USP34: variants seen among roughly 807,000 people sequenced by gnomAD.
The protein encoded by USP34 is ubiquitin carboxyl-terminal hydrolase 34.
A neutral mutation model predicts 460.3 loss-of-function variants in USP34; 70 were observed. That is an observed-to-expected ratio of 0.15 (90% CI 0.13 to 0.19). The LOEUF is 0.19. USP34 is among the 10% of genes least tolerant of loss of function. The pLI is 1.00. For missense variants in USP34, 3,985 were observed against 4,236.2 expected, an observed-to-expected ratio of 0.94 and a Z score of 1.65; for synonymous variants, 1,647 against 1,405.3, an observed-to-expected ratio of 1.17 and a Z score of -3.85.
At chr2:61,336,809 CAAAAAAAAAAAA>C (rs10593128) in intron 18 of USP34, among the ~76,000 whole-genome samples, 20 of 65,052 alleles carry the variant, frequency 3.1e-4, no homozygotes, top group Non-Finnish European at 2.8e-4. Context: ...GACTCCATCT[CAAAAAAAAAAAA>C]AAAAAAAAAA....
intron 75 of USP34, 57 bp downstream of exon 75, chr2:61,203,083 A>G: frequency 7.2e-7 from 1 of 1,384,560 alleles, no homozygotes; most frequent in South Asian, 2.0e-5. Context: ...CCCCTTCCTG[A>G]ATGACTAGGG....
chr2:61,441,014 G>C (rs917133641), intron 1 of USP34, among the ~76,000 whole-genome samples: 11 of 151,660 alleles, frequency 7.3e-5, no homozygotes, highest in Non-Finnish European at 1.5e-5. Context: ...TGTAGTCCCA[G>C]CTACTCGGGA....
chr2:61,348,395 T>A lies in USP34; in HGVS notation c.1760A>T (p.Asp587Val). The A allele has an allele frequency of 6.2e-7, 1 of 1,613,980 alleles. No homozygotes were observed. Among genetic ancestry groups the A allele is most frequent in the Non-Finnish European group, 8.5e-7 (1 of 1,180,036 alleles). Residue 587 changes from aspartate (D) to valine (V), a missense_variant, in exon 15 of 80, where the codon GAT (aspartate) becomes GTT (valine). Coordinates refer to ENST00000398571, the MANE Select transcript of USP34 (RefSeq NM_014709.4). ...AGAATTAACCTCATTGCTAGATCCA[T>A]CACTATGCCCACTACTGCTACCAGG... ...SGPGSSSGHS[D>V]GSSNEVNSSH...
At chr2:61,425,101 CG>C (rs1553388424) in intron 1 of USP34, among the ~76,000 whole-genome samples, 4 of 152,120 alleles carry the variant, frequency 2.6e-5, no homozygotes, top group Non-Finnish European at 2.9e-5. Flanking sequence ...TGGCCCACTG[CG>C]CCCAGCTGCC....
At chr2:61,356,475 GCA>G (rs70963416) in intron 10 of USP34, among the ~76,000 whole-genome samples, 81 of 128,276 alleles carry the variant, frequency 6.3e-4, no homozygotes, top group Admixed American at 2.1e-3. Context: ...GGGTGAAAGC[GCA>G]CACACACACA....
chr2:61,298,399 G>T (rs1183114731), intron 29 of USP34, among the ~76,000 whole-genome samples: 1 of 147,334 alleles, frequency 6.8e-6, no homozygotes, highest in African/African-American at 2.5e-5. Flanking sequence ...CTAGCTGGGC[G>T]TGGTGGCGTG....
intron 33 of USP34, among the ~76,000 whole-genome samples, chr2:61,289,782 C>G (rs141164246): frequency 6.6e-6 from 1 of 152,198 alleles, no homozygotes; most frequent in East Asian, 1.9e-4. Context: ...ACACAAAACT[C>G]AAAATGTATT....
At chr2:61,417,719 C>CTTTTTTTTTTTTTTTTTTT (rs201901250) in intron 2 of USP34, among the ~76,000 whole-genome samples, 1 of 130,772 alleles carries the variant, frequency 7.6e-6, no homozygotes. Flanking sequence ...ATACTAAAAT[C>CTTTTTTTTTTTTTTTTTTT]TTTTTTTTTT....
chr2:61,461,174 T>G (rs1375365688), intron 1 of USP34, among the ~76,000 whole-genome samples: 3 of 151,750 alleles, frequency 2.0e-5, no homozygotes, highest in African/African-American at 7.3e-5. Context: ...GTGGATGACT[T>G]GAGCTCAGGA....
At chr2:61,270,889 T>G (rs978563751) in intron 41 of USP34, among the ~76,000 whole-genome samples, 3 of 152,234 alleles carry the variant, frequency 2.0e-5, no homozygotes, top group Admixed American at 1.3e-4. Flanking sequence ...CAACCAATTT[T>G]CTGCATGAAA....
intron 1 of USP34, among the ~76,000 whole-genome samples, chr2:61,443,221 A>G (rs71422305): frequency 0.076 from 11,563 of 152,212 alleles, 595 homozygotes; most frequent in Non-Finnish European, 0.12. Context: ...AGTGTTCTAC[A>G]TAACTGTGAA....
intron 57 of USP34, among the ~76,000 whole-genome samples, chr2:61,235,099 A>G (rs1688027554): frequency 6.6e-6 from 1 of 152,156 alleles, no homozygotes; most frequent in African/African-American, 2.4e-5. Flanking sequence ...TGTCCTCACA[A>G]CTCGCACATA....
intron 51 of USP34, among the ~76,000 whole-genome samples, chr2:61,244,652 T>C (rs1456009789): frequency 6.6e-6 from 1 of 152,044 alleles, no homozygotes; most frequent in Non-Finnish European, 1.5e-5. Flanking sequence ...TTCTCAATTA[T>C]GTCACATAGA....
intron 65 of USP34, 103 bp from the exon 66 acceptor site, chr2:61,221,709 T>C: frequency 2.8e-6 from 3 of 1,074,276 alleles, no homozygotes; most frequent in African/African-American, 3.3e-5. Context: ...TAAATCTGTG[T>C]TAGGGAAGGA....
intron 33 of USP34, 149 bp downstream of exon 33, chr2:61,293,315 T>C: frequency 2.1e-6 from 1 of 473,238 alleles, no homozygotes; most frequent in South Asian, 5.0e-5. Flanking sequence ...CTAATTAGTT[T>C]ATCAAACTGT....
At chr2:61,229,484 A>AAAC (rs1687829909) in intron 59 of USP34, 64 bp downstream of exon 59, 1 of 798,550 alleles carries the variant, frequency 1.3e-6, no homozygotes, top group African/African-American at 1.9e-5. Context: ...AACAAAAAAA[A>AAAC]AAAACAAAAA....
chr2:61,256,590 TA>T (rs34715544), intron 47 of USP34, 112 bp from the exon 48 acceptor site: 4 of 696,606 alleles, frequency 5.7e-6, no homozygotes, highest in Non-Finnish European at 8.8e-6. Flanking sequence ...ATTTTTTTTT[TA>T]AAAGTGAATT....
At chr2:61,405,558 G>T (rs373328831) in intron 3 of USP34, 150 bp downstream of exon 3, 1 of 834,508 alleles carries the variant, frequency 1.2e-6, no homozygotes, top group East Asian at 2.8e-5. Flanking sequence ...ACAAACTGCT[G>T]AAGAAATGCT....
At chr2:61,363,686 T>TG (rs1431609757) in intron 10 of USP34, among the ~76,000 whole-genome samples, 2 of 152,206 alleles carry the variant, frequency 1.3e-5, no homozygotes, top group African/African-American at 4.8e-5. Context: ...GACTGAAACA[T>TG]GGTTATACAA....
Sources: allele counts gnomAD v4.1 joint callset (sites outside exome capture counted in the v4.1 genomes callset), GRCh38; gene constraint gnomAD v4.1.1; transcripts MANE v1.5; gene names NCBI Gene and HGNC (gene_info 2026-07-23, HGNC 2026-07-21).